Variants in PYGB observed in about 807,000 individuals in gnomAD.
PYGB encodes glycogen phosphorylase, brain form.
Under a neutral mutation model 94.3 loss-of-function variants are expected in PYGB, and 82 were observed. The ratio of observed to expected loss-of-function variants is 0.87; its 90% CI spans 0.73 to 1.04. The LOEUF (loss-of-function observed/expected upper bound fraction) is 1.04, where lower values mean the gene tolerates loss of function less well. Ranked by LOEUF, PYGB falls within the 50% of genes least tolerant of loss-of-function variation. The pLI, the probability that PYGB is intolerant of heterozygous loss-of-function variation, is 0.00. For missense variants in PYGB, 1,132 were observed against 1,158.2 expected (o/e 0.98, Z 0.33); for synonymous variants, 488 against 479.1 (o/e 1.02, Z -0.24).
At chr20:25,251,883 A>G (rs1448846154) in intron 1 of PYGB, among the ~76,000 whole-genome samples, 1 of 152,200 alleles carries the variant, frequency 6.6e-6, no homozygotes, top group Non-Finnish European at 1.5e-5. Flanking sequence ...TCCTAATGAG[A>G]TAAACACAAT....
chr20:25,283,070 A>AG, intron 12 of PYGB, 106 bp from the exon 13 acceptor site: 3 of 937,478 alleles, frequency 3.2e-6, no homozygotes, highest in Non-Finnish European at 5.0e-6. Flanking sequence ...AGCAGATCCC[A>AG]GGGGAAAGCA....
At chr20:25,289,847 C>T (rs778662573) in intron 15 of PYGB, 2 of 533,520 alleles carry the variant, frequency 3.7e-6, no homozygotes, top group Admixed American at 3.9e-5. Context: ...TGGGAGTAGA[C>T]TGAAACATCA....
chr20:25,286,919 C>T (rs961768708), intron 14 of PYGB, among the ~76,000 whole-genome samples: 7 of 152,196 alleles, frequency 4.6e-5, no homozygotes, highest in South Asian at 2.1e-4. Context: ...TTGTGTGTTT[C>T]GTTTTTCCTG....
At chr20:25,281,231 C>T in intron 11 of PYGB, 119 bp downstream of exon 11, 8 of 1,337,658 alleles carry the variant, frequency 6.0e-6, no homozygotes, top group Non-Finnish European at 8.2e-6. Flanking sequence ...CCACTAGGCC[C>T]CTGCCTCCAT....
Position 25,288,457 on chromosome 20 carries a change from C to T in PYGB, c.1801C>T (p.Pro601Ser). ...GAGAGACCCGGCCAAGGCTTTTGTG[C>T]CCAGGACTGTTATGATTGGGGGCAA... Reference protein sequence around the residue: ...IKRDPAKAFVPRTVMIGGKAA... With the variant: ...IKRDPAKAFVSRTVMIGGKAA... The change falls in exon 15 of 20, where the codon CCC becomes TCC. Residue 601 changes from proline (P) to serine (S), a missense_variant. By Grantham distance (74) the Pro-to-Ser change is moderately conservative (BLOSUM62 -1). Coordinates refer to ENST00000216962, the MANE Select transcript of PYGB (RefSeq NM_002862.4). 2 of 1,614,084 alleles carry T rather than the reference C, an allele frequency of 1.2e-6. No individual in the cohort carries two copies. The highest frequency in any genetic ancestry group is 1.7e-6 in the Non-Finnish European group (2 of 1,180,014).
intron 1 of PYGB, among the ~76,000 whole-genome samples, chr20:25,252,681 G>T (rs1364892902): frequency 1.3e-5 from 2 of 152,260 alleles, no homozygotes; most frequent in Non-Finnish European, 2.9e-5. Context: ...GTCTGAGGGA[G>T]GGTGCAGGGG....
chr20:25,256,696 G>A (rs1359657974), intron 1 of PYGB, among the ~76,000 whole-genome samples: 1 of 152,174 alleles, frequency 6.6e-6, no homozygotes, highest in Non-Finnish European at 1.5e-5. Flanking sequence ...TGAAGCAGGT[G>A]AGTCCAGTTC....
chr20:25,257,705 A>G (rs2092905381), intron 1 of PYGB, among the ~76,000 whole-genome samples: 1 of 152,170 alleles, frequency 6.6e-6, no homozygotes, highest in Non-Finnish European at 1.5e-5. Flanking sequence ...CAAAGTAAAA[A>G]CATTCTGGTC....
Position 25,292,678 on chromosome 20 carries a change from G to GGGCATTGGCTGGA in PYGB, c.2177+66_2177+78dup, listed in dbSNP as rs1338337989. The GGGCATTGGCTGGA allele has an allele frequency of 4.5e-6, 7 of 1,544,968 alleles. No homozygotes were observed. The Admixed American group carries it at 9.2e-5, about 20-fold the overall frequency. ...TGGAGAATGAAGGGTGTTGGGCTGG[G>GGGCATTGGCTGGA]GGCATTGGCTGGACTGGGCTCTTGG... On this transcript the variant is annotated intron_variant, in intron 17 of 19. Transcript: ENST00000216962.
rs913242089 is a variant in PYGB, at chr20:25,297,374, TGAG to T, written c.*857_*859del. On this transcript the variant is annotated 3_prime_UTR_variant, in exon 20 of 20. Transcript: ENST00000216962. ...AATTGTACTTGGTCACTTTTGTGCT[TGAG>T]GAGGCCCATTTTCTGCCTGGCAGGG... The T allele has an allele frequency of 1.3e-5, 2 of 152,446 alleles. No homozygotes were observed. The highest frequency in any genetic ancestry group is 4.8e-5 in the African/African-American group (2 of 41,476). 9.4% of individuals were successfully genotyped at this position (152,446 alleles called of 1,614,324 possible).
Position 25,284,278 on chromosome 20 carries a change from C to A in PYGB, c.1768+27C>A, listed in dbSNP as rs368905965. 1.9e-6 allele frequency: 3 copies of A among 1,601,962 alleles called. No homozygotes were observed. The African/African-American group carries it at 4.0e-5, about 21-fold the overall frequency. On this transcript the variant is annotated intron_variant, in intron 14 of 19. Coordinates refer to ENST00000216962, the MANE Select transcript of PYGB (RefSeq NM_002862.4). ...TGAGTGCCGGCATCACCTGCATGAC[C>A]GCGCTGTGGGGCCCAAGGCTTGCCC... is the stretch of plus-strand genomic sequence containing the variant.
At chr20:25,289,926 C>T in intron 15 of PYGB, 1 of 533,596 alleles carries the variant, frequency 1.9e-6, no homozygotes, top group South Asian at 1.4e-5. Flanking sequence ...GAAATGTTCA[C>T]TCGGGTACTT....
At chr20:25,248,468 C>T (rs1483560391) in intron 1 of PYGB, 47 bp downstream of exon 1, 2 of 1,314,024 alleles carry the variant, frequency 1.5e-6, no homozygotes, top group East Asian at 3.1e-5. Context: ...TGAGAGGGCG[C>T]CGGTCCCGGA....
chr20:25,269,325 C>T (rs2088245749), intron 3 of PYGB, 118 bp downstream of exon 3: 2 of 698,018 alleles, frequency 2.9e-6, no homozygotes, highest in Non-Finnish European at 4.8e-6. Context: ...AGTGGATGGG[C>T]CAGTGTGTTC....
chr20:25,278,222 C>A, intron 7 of PYGB, 97 bp from the exon 8 acceptor site: 1 of 1,341,236 alleles, frequency 7.5e-7, no homozygotes, highest in Non-Finnish European at 9.8e-7. Context: ...TCCTCTCGGC[C>A]TTCTGCCTGC....
intron 16 of PYGB, among the ~76,000 whole-genome samples, chr20:25,291,043 T>TG (rs2088463017): frequency 6.6e-6 from 1 of 151,038 alleles, no homozygotes; most frequent in African/African-American, 2.4e-5. Context: ...TCTTCTGCCC[T>TG]GGGCCCCTCT....
intron 3 of PYGB, among the ~76,000 whole-genome samples, chr20:25,270,477 C>T (rs947569636): frequency 6.6e-6 from 1 of 152,162 alleles, no homozygotes. Flanking sequence ...GTTGGGATTA[C>T]AGGCATGAGC....
intron 2 of PYGB, among the ~76,000 whole-genome samples, chr20:25,262,417 C>G (rs201376108): frequency 2.0e-5 from 3 of 152,104 alleles, no homozygotes; most frequent in African/African-American, 4.8e-5. Flanking sequence ...CTTTACAGAC[C>G]AGCAAATGCT....
At chr20:25,270,585 C>T (rs1368190522) in intron 3 of PYGB, among the ~76,000 whole-genome samples, 1 of 152,158 alleles carries the variant, frequency 6.6e-6, no homozygotes, top group Non-Finnish European at 1.5e-5. Flanking sequence ...GCAGCCTCAA[C>T]CTCTTGGGCT....
Sources: gnomAD v4.1 joint callset for allele counts (sites outside exome capture counted in the v4.1 genomes callset) on GRCh38, gnomAD v4.1.1 for gene constraint, MANE v1.5 for transcripts, NCBI Gene and HGNC (gene_info 2026-07-23, HGNC 2026-07-21) for gene names.